ANKMY2: variants seen among roughly 807,000 people sequenced by gnomAD.
The protein encoded by ANKMY2 is ankyrin repeat and MYND domain-containing protein 2.
ANKMY2 carries 36 observed loss-of-function variants against 50.4 expected under a neutral mutation model. That is an observed-to-expected ratio of 0.71 (90% CI 0.55 to 0.94). ANKMY2 has a LOEUF of 0.94. Among genes scored for constraint, ANKMY2 ranks in the 40% least tolerant of loss-of-function variants. The pLI, the probability that ANKMY2 is intolerant of heterozygous loss-of-function variation, is 0.00. For missense variants in ANKMY2, 565 were observed against 524.0 expected (o/e 1.08, Z -0.76); for synonymous variants, 187 against 178.8 (o/e 1.05, Z -0.36).
intron 2 of ANKMY2, among the ~76,000 whole-genome samples, chr7:16,632,288 C>A (rs1331204991): frequency 1.3e-5 from 2 of 152,028 alleles, no homozygotes; most frequent in African/African-American, 4.8e-5. Context: ...TTAATTTGTA[C>A]AAATAAATCG....
Position 16,599,892 on chromosome 7 carries a change from C to T in ANKMY2, c.*869G>A, listed in dbSNP as rs953588646. On this transcript the variant is annotated 3_prime_UTR_variant, in exon 10 of 10. Coordinates refer to ENST00000306999, the MANE Select transcript of ANKMY2 (RefSeq NM_020319.3). ...TTTAAATACCACATATGCTAAAAACCGACGCCAGGACATTCTCTAAATGAG... is the reference window on the plus strand; with the variant it reads ...TTTAAATACCACATATGCTAAAAACTGACGCCAGGACATTCTCTAAATGAG... 3 of 152,132 alleles carry T rather than the reference C, an allele frequency of 2.0e-5. No individual in the cohort carries two copies. Among genetic ancestry groups the T allele is most frequent in the African/African-American group, 4.8e-5 (2 of 41,420 alleles). 9.4% of individuals were successfully genotyped at this position (152,132 alleles called of 1,614,324 possible). A position where few individuals can be genotyped will look rare whatever the true frequency, so the allele number is the denominator to read the frequency against.
chr7:16,602,428 C>T lies in ANKMY2; in HGVS notation c.1093G>A (p.Glu365Lys), dbSNP rs542525602. ...KICKNLKDIY[E>K]KQQLEAAKEK... ...TTGGCAGCCTCCAACTGTTGCTTTTCGTAAATGTCCTTCAGATTCTTACAG... is the reference window on the plus strand; with the variant it reads ...TTGGCAGCCTCCAACTGTTGCTTTTTGTAAATGTCCTTCAGATTCTTACAG... Residue 365 changes from glutamate (E) to lysine (K), a missense_variant, in exon 9 of 10, where the codon GAA becomes AAA. Coordinates refer to ENST00000306999, the MANE Select transcript of ANKMY2 (RefSeq NM_020319.3). 1.9e-5 allele frequency: 30 copies of T among 1,613,772 alleles called. No individual in the cohort carries two copies. The highest frequency in any genetic ancestry group is 8.0e-5 in the African/African-American group (6 of 75,014).
intron 4 of ANKMY2, among the ~76,000 whole-genome samples, chr7:16,622,750 GAAT>G (rs1781455879): frequency 7.5e-6 from 1 of 133,504 alleles, no homozygotes. Context: ...AAAAATAAAT[GAAT>G]AAATAAATAA....
chr7:16,601,879 A>C (rs369306468), intron 9 of ANKMY2, among the ~76,000 whole-genome samples: 102 of 152,328 alleles, frequency 6.7e-4, no homozygotes, highest in African/African-American at 2.3e-3. Context: ...ATTCACTGCT[A>C]TGACACTTGT....
intron 7 of ANKMY2, among the ~76,000 whole-genome samples, chr7:16,605,642 C>A (rs963506091): frequency 1.3e-5 from 2 of 149,360 alleles, no homozygotes; most frequent in South Asian, 2.1e-4. Context: ...GGATTGCAGG[C>A]GCCCGCCACT....
At chr7:16,601,973 T>G (rs947040576) in intron 9 of ANKMY2, among the ~76,000 whole-genome samples, 3 of 152,210 alleles carry the variant, frequency 2.0e-5, no homozygotes, top group African/African-American at 7.2e-5. Flanking sequence ...GTTCTGAAAT[T>G]TAATTAAGGA....
chr7:16,615,383 T>C (rs895529518), intron 5 of ANKMY2, among the ~76,000 whole-genome samples: 1 of 152,152 alleles, frequency 6.6e-6, no homozygotes, highest in Non-Finnish European at 1.5e-5. Context: ...GAGGCTGTCC[T>C]TTCCCTCTGG....
intron 4 of ANKMY2, among the ~76,000 whole-genome samples, chr7:16,624,178 A>G (rs755045589): frequency 2.0e-4 from 31 of 152,206 alleles, no homozygotes; most frequent in Non-Finnish European, 1.5e-4. Flanking sequence ...TGCTTGCTTT[A>G]TAGGTTGTGA....
chr7:16,611,306 GATGCTTCCA>G (rs1161943305), intron 5 of ANKMY2, among the ~76,000 whole-genome samples: 5 of 152,122 alleles, frequency 3.3e-5, no homozygotes, highest in African/African-American at 1.2e-4. Flanking sequence ...TTTTCCTGAA[GATGCTTCCA>G]ATCATCTACA....
intron 6 of ANKMY2, among the ~76,000 whole-genome samples, chr7:16,610,335 G>GT (rs1311621611): frequency 1.3e-5 from 2 of 151,972 alleles, no homozygotes; most frequent in Non-Finnish European, 2.9e-5. Context: ...TAAATTGCTG[G>GT]TAACAACAAA....
intron 7 of ANKMY2, among the ~76,000 whole-genome samples, chr7:16,607,018 T>C (rs1429379877): frequency 1.3e-5 from 2 of 152,084 alleles, no homozygotes; most frequent in East Asian, 3.9e-4. Flanking sequence ...AGAACCATCG[T>C]ATGCGGGGAA....
chr7:16,606,867 G>A (rs905952059), intron 7 of ANKMY2, among the ~76,000 whole-genome samples: 2 of 152,136 alleles, frequency 1.3e-5, no homozygotes, highest in Admixed American at 6.5e-5. Context: ...AAAGTGCTAC[G>A]AATTCTCTTT....
chr7:16,628,155 C>T (rs1457587637), intron 2 of ANKMY2, among the ~76,000 whole-genome samples: 6 of 152,094 alleles, frequency 3.9e-5, no homozygotes, highest in Admixed American at 1.3e-4. Flanking sequence ...GTAGTGTAGG[C>T]GAAACGCTGT....
intron 1 of ANKMY2, among the ~76,000 whole-genome samples, chr7:16,643,816 C>T (rs573580107): frequency 1.9e-4 from 28 of 148,880 alleles, no homozygotes; most frequent in Non-Finnish European, 3.4e-4. Flanking sequence ...CCCAGGAGTT[C>T]GAGAGCAGCC....
chr7:16,637,711 C>T (rs566358427), intron 1 of ANKMY2, among the ~76,000 whole-genome samples: 4 of 152,314 alleles, frequency 2.6e-5, no homozygotes, highest in African/African-American at 9.6e-5. Context: ...GAGACTTTCT[C>T]AAAAATCTTT....
intron 1 of ANKMY2, among the ~76,000 whole-genome samples, chr7:16,640,321 T>C (rs1453983521): frequency 6.6e-6 from 1 of 152,158 alleles, no homozygotes; most frequent in African/African-American, 2.4e-5. Context: ...TAGATCTTCT[T>C]TTTATTTTGT....
chr7:16,609,765 G>A lies in ANKMY2; in HGVS notation c.747C>T (p.Ser249=), dbSNP rs1428813352. 3.1e-6 allele frequency: 5 copies of A among 1,607,306 alleles called. No homozygotes were observed. The Admixed American group carries it at 6.8e-5, about 22-fold the overall frequency. The stretch of plus-strand genomic sequence containing the variant: ...CATCAGAAGCTCGGCCTTTTAACAA[G>A]CTGAAAGATATTTTTTAAAGCGTAA... ...GENKLDTLIK[S]LLKGRASDGF... The change falls in exon 7 of 10, where the codon AGC becomes AGT. Residue 249 remains serine (S), a splice_region_variant and synonymous_variant. Coordinates refer to ENST00000306999, the MANE Select transcript of ANKMY2 (RefSeq NM_020319.3).
At chr7:16,620,540 T>C (rs181574009) in intron 4 of ANKMY2, among the ~76,000 whole-genome samples, 7 of 152,044 alleles carry the variant, frequency 4.6e-5, no homozygotes, top group Non-Finnish European at 7.4e-5. Flanking sequence ...GGATGGGGTA[T>C]GTGGTACTGT....
chr7:16,642,081 T>C lies in ANKMY2; in HGVS notation c.67+3426A>G, dbSNP rs951655369. Among the ~76,000 whole-genome samples, 3 of 151,978 alleles carry C rather than the reference T, an allele frequency of 2.0e-5. No individual in the cohort carries two copies. The East Asian group carries it at 5.8e-4, about 29-fold the overall frequency. On this transcript the variant is annotated intron_variant, in intron 1 of 9. Transcript: ENST00000306999. Reference sequence around the variant, plus strand: ...CTCAATAGTTGGTAAGAAAAAGCCTTATTATCCAAACTTGTTTCATAGCTC... The same window carrying C: ...CTCAATAGTTGGTAAGAAAAAGCCTCATTATCCAAACTTGTTTCATAGCTC...
Sources: gnomAD v4.1 joint callset for allele counts (sites outside exome capture counted in the v4.1 genomes callset) on GRCh38, gnomAD v4.1.1 for gene constraint, MANE v1.5 for transcripts, NCBI Gene and HGNC (gene_info 2026-07-23, HGNC 2026-07-21) for gene names.